PCDH11X: variants seen among roughly 807,000 people sequenced by gnomAD.
PCDH11X encodes the protein protocadherin 11 X-linked.
In PCDH11X, 18 loss-of-function variants were observed where a neutral mutation model predicts 53.3. The observed-to-expected ratio is 0.34, with a 90% CI of 0.23 to 0.50. The LOEUF (loss-of-function observed/expected upper bound fraction) is 0.50. PCDH11X is among the 20% of genes least tolerant of loss of function. PCDH11X has a pLI of 0.98. For missense variants in PCDH11X, 570 were observed against 1,032.4 expected, an observed-to-expected ratio of 0.55 and a Z score of 6.14; for synonymous variants, 279 against 393.3, an observed-to-expected ratio of 0.71 and a Z score of 3.44.
chrX:92,427,144 T>A (rs755700225), intron 9 of PCDH11X, among the ~76,000 whole-genome samples: 48 of 111,067 alleles, frequency 4.3e-4, no homozygotes, highest in Non-Finnish European at 7.9e-4. Flanking sequence ...GTTAGTGAAG[T>A]GGGAGAAAGT....
intron 6 of PCDH11X, among the ~76,000 whole-genome samples, chrX:92,028,845 G>C (rs1224396632): frequency 9.0e-6 from 1 of 111,348 alleles, no homozygotes; most frequent in Non-Finnish European, 1.9e-5. Context: ...TACAAAGGAG[G>C]CCAAAAACAC....
At chrX:91,988,423 A>T in intron 6 of PCDH11X, among the ~76,000 whole-genome samples, 1 of 112,032 alleles carries the variant, frequency 8.9e-6, no homozygotes. Context: ...TTGCTGAGGG[A>T]TATGTTGTCT....
rs1407099872 is a variant in PCDH11X at position 92,110,327 on chromosome X, T to A, written c.3034-91048T>A. Among the ~76,000 whole-genome samples, 3 of 108,219 alleles carry A rather than the reference T, an allele frequency of 2.8e-5. No homozygotes were observed. In the Admixed American group the frequency reaches 3.0e-4, roughly 11 times the overall value. The allele number at this position is 108,219 out of a possible 115,157, so 94.0% of individuals were successfully genotyped here. On this transcript the variant is annotated intron_variant, in intron 6 of 10. Coordinates refer to ENST00000682573, the MANE Select transcript of PCDH11X (RefSeq NM_032968.5). ...AGTACCAATGCCAATATAGACAAGA[T>A]ACCTAAACAAATCAAAGAAAAAGTT...
intron 6 of PCDH11X, among the ~76,000 whole-genome samples, chrX:92,198,250 A>C (rs1434063994): frequency 3.8e-5 from 4 of 105,465 alleles, no homozygotes; most frequent in Non-Finnish European, 7.8e-5. Context: ...AAAAAGAAAA[A>C]AAATACAAAA....
At chrX:92,231,043 A>T (rs1368531629) in intron 7 of PCDH11X, among the ~76,000 whole-genome samples, 2 of 111,482 alleles carry the variant, frequency 1.8e-5, no homozygotes, top group African/African-American at 3.3e-5. Flanking sequence ...CTTCACCAAC[A>T]TCTGCGAGTA....
chrX:92,114,406 G>A, intron 6 of PCDH11X: 1 of 1,006,210 alleles, frequency 9.9e-7, no homozygotes. Flanking sequence ...GACGCCTTCG[G>A]GCTCCATCCC....
intron 6 of PCDH11X, among the ~76,000 whole-genome samples, chrX:91,926,911 T>C (rs1312460287): frequency 9.0e-6 from 1 of 111,048 alleles, no homozygotes; most frequent in Non-Finnish European, 1.9e-5. Flanking sequence ...ACTTATTCTT[T>C]CTTTCTAGCT....
chrX:92,264,147 G>A (rs370730688), intron 8 of PCDH11X, among the ~76,000 whole-genome samples: 2 of 112,129 alleles, frequency 1.8e-5, no homozygotes, highest in South Asian at 3.7e-4. Context: ...AAGCTATGCC[G>A]GAAAGTAATC....
intron 10 of PCDH11X, among the ~76,000 whole-genome samples, chrX:92,600,466 A>G (rs1384107595): frequency 9.0e-6 from 1 of 111,485 alleles, no homozygotes; most frequent in Non-Finnish European, 1.9e-5. Context: ...CAAGCCCCAT[A>G]CATTGGTGTC....
chrX:92,059,712 T>C (rs1345429298), intron 6 of PCDH11X, among the ~76,000 whole-genome samples: 1 of 110,675 alleles, frequency 9.0e-6, no homozygotes, highest in Non-Finnish European at 1.9e-5. Context: ...TAGAAGAAAG[T>C]ATGGCACACT....
At chrX:92,532,037 A>T (rs2074566244) in intron 10 of PCDH11X, among the ~76,000 whole-genome samples, 1 of 110,732 alleles carries the variant, frequency 9.0e-6, no homozygotes, top group Admixed American at 9.7e-5. Flanking sequence ...ATATACCAAT[A>T]GAAATACATT....
chrX:92,023,404 G>A (rs746062166), intron 6 of PCDH11X, among the ~76,000 whole-genome samples: 2 of 109,090 alleles, frequency 1.8e-5, no homozygotes, highest in South Asian at 8.2e-4. Flanking sequence ...AAATAAACTA[G>A]CAAACCGAGA....
intron 8 of PCDH11X, among the ~76,000 whole-genome samples, chrX:92,329,971 A>G (rs1390197230): frequency 9.0e-6 from 1 of 111,039 alleles, no homozygotes. Flanking sequence ...CAAATAACTA[A>G]AAGAGTATAA....
chrX:92,219,414 G>A (rs1456143989), intron 7 of PCDH11X, among the ~76,000 whole-genome samples: 1 of 110,783 alleles, frequency 9.0e-6, no homozygotes, highest in African/African-American at 3.3e-5. Context: ...CAGACAAACA[G>A]AGACCCAGAT....
chrX:91,885,527 T>C (rs894266944), intron 6 of PCDH11X, among the ~76,000 whole-genome samples: 3 of 108,862 alleles, frequency 2.8e-5, no homozygotes, highest in African/African-American at 1.0e-4. Context: ...ATCATTTGTG[T>C]ATGTAATTAT....
chrX:92,566,803 T>C (rs1371684428), intron 10 of PCDH11X, among the ~76,000 whole-genome samples: 1 of 111,849 alleles, frequency 8.9e-6, no homozygotes, highest in Non-Finnish European at 1.9e-5. Flanking sequence ...GAACTTTTTA[T>C]TGAGTTGTTG....
chrX:92,244,445 T>A (rs2067312469), intron 7 of PCDH11X, among the ~76,000 whole-genome samples: 1 of 110,364 alleles, frequency 9.1e-6, no homozygotes, highest in Non-Finnish European at 1.9e-5. Context: ...AATTAATTGA[T>A]CTTCCTTAAG....
intron 6 of PCDH11X, among the ~76,000 whole-genome samples, chrX:92,162,348 T>C (rs1488395892): frequency 2.7e-5 from 3 of 109,720 alleles, no homozygotes; most frequent in Non-Finnish European, 3.8e-5. Flanking sequence ...TGCACCACCA[T>C]GTCTGGCTAA....
chrX:92,591,329 CTT>C (rs1038116317), intron 10 of PCDH11X, among the ~76,000 whole-genome samples: 18 of 111,494 alleles, frequency 1.6e-4, no homozygotes, highest in African/African-American at 5.5e-4. Flanking sequence ...TCCTCTCTCT[CTT>C]TGTGCAAACC....
Sources: allele counts gnomAD v4.1 joint callset (sites outside exome capture counted in the v4.1 genomes callset), GRCh38; gene constraint gnomAD v4.1.1; transcripts MANE v1.5; gene names NCBI Gene and HGNC (gene_info 2026-07-23, HGNC 2026-07-21).